SPTB: variants seen among roughly 807,000 people sequenced by gnomAD.
SPTB encodes the protein spectrin beta, erythrocytic.
A neutral mutation model predicts 256.2 loss-of-function variants in SPTB; 45 were observed. That is an observed-to-expected ratio of 0.18 (90% CI 0.14 to 0.23). SPTB has a LOEUF of 0.23. Ranked by LOEUF, SPTB falls within the 10% of genes least tolerant of loss-of-function variation. SPTB has a pLI of 1.00. For synonymous variants in SPTB, 1,231 were observed against 1,243.1 expected, an observed-to-expected ratio of 0.99 and a Z score of 0.21; for missense variants, 2,715 against 3,040.4, an observed-to-expected ratio of 0.89 and a Z score of 2.52.
rs1360830438 is a variant in SPTB, at chr14:64,750,151, G to A, written c.6606C>T (p.Ser2202=). Residue 2202 remains serine (S), a synonymous_variant, in exon 34 of 36, where the codon TCC becomes TCT. Transcript: ENST00000644917. ...TGAGCACACAGTACAGGTTGTTCCA[G>A]GACCTGCAAAGATGCAGACAGGCAG... The part of the protein sequence containing the change: ...EGPNKKASNR[S]WNNLYCVLRN... 1 of 1,610,674 alleles carries A rather than the reference G, an allele frequency of 6.2e-7. No homozygotes were observed. The highest frequency in any genetic ancestry group is 2.2e-5 in the East Asian group (1 of 44,772).
At chr14:64,801,993 C>T (rs2082895846) in intron 5 of SPTB, among the ~76,000 whole-genome samples, 159 bp from the exon 6 acceptor site, 1 of 152,166 alleles carries the variant, frequency 6.6e-6, no homozygotes, top group Non-Finnish European at 1.5e-5. Flanking sequence ...ACAGAGGCTC[C>T]CCCATCAGAT....
intron 22 of SPTB, among the ~76,000 whole-genome samples, chr14:64,776,434 T>C (rs574477664): frequency 2.0e-5 from 3 of 152,282 alleles, no homozygotes; most frequent in African/African-American, 7.2e-5. Context: ...CTCTGCATGG[T>C]GCCCTAAAAA....
rs941745505 is a variant in SPTB at position 64,746,979 on chromosome 14, A to C, written c.*2327T>G. 1.3e-5 allele frequency: 2 copies of C among 152,286 alleles called. No individual in the cohort carries two copies. Among genetic ancestry groups the C allele is most frequent in the African/African-American group, 4.8e-5 (2 of 41,300 alleles). 9.4% of individuals were successfully genotyped at this position (152,286 alleles called of 1,614,324 possible). ...GGGTCTCCCAAAGCTGGATGCCTGC[A>C]TTTTCAGTCTAGTTGGTCGAATGTC... On this transcript the variant is annotated 3_prime_UTR_variant, in exon 36 of 36. Transcript: ENST00000644917. The surrounding 1 kb of genome is among the most constrained non-coding windows in gnomAD (Gnocchi z 4.9).
Position 64,779,869 on chromosome 14 carries a change from A to G in SPTB, c.4329T>C (p.Pro1443=), listed in dbSNP as rs1231241203. 1.2e-6 allele frequency: 2 copies of G among 1,613,926 alleles called. No individual in the cohort carries two copies. Among genetic ancestry groups the G allele is most frequent in the Non-Finnish European group, 1.7e-6 (2 of 1,179,988 alleles). ...EELGELFAQV[P]SMGEEGGDAD... is the part of the protein sequence containing the mutation. ...CATCTCCTCCCTCCTCTCCCATTGAAGGCACCTGGGCAAACAGCTCCCCCA... is the reference window on the plus strand; with the variant it reads ...CATCTCCTCCCTCCTCTCCCATTGAGGGCACCTGGGCAAACAGCTCCCCCA... Residue 1443 remains proline (P), a synonymous_variant, in exon 21 of 36, where the codon CCT becomes CCC. Coordinates refer to ENST00000644917, the MANE Select transcript of SPTB (RefSeq NM_001355436.2). This position sits in a 1 kb window ranked among gnomAD's most constrained non-coding sequence, Gnocchi z 4.2.
chr14:64,782,406 G>A lies in SPTB; in HGVS notation c.4150C>T (p.Arg1384Cys), dbSNP rs778901641. The change falls in exon 20 of 36, where the codon CGC becomes TGC. Residue 1384 changes from arginine to cysteine, a missense_variant. Coordinates refer to ENST00000644917, the MANE Select transcript of SPTB (RefSeq NM_001355436.2). ...HLSAARSSDL[R>C]LQTHADLNKW... ...TTGAGGTCAGCATGGGTCTGCAAGC[G>A]CAGGTCGGAGCTCCTGGCAGCCGAG... The A allele has an allele frequency of 2.8e-5, 45 of 1,614,032 alleles. No homozygotes were observed. Among genetic ancestry groups the A allele is most frequent in the Admixed American group, 1.3e-4 (8 of 60,004 alleles).
chr14:64,794,252 G>C (rs1009327888), intron 13 of SPTB, among the ~76,000 whole-genome samples: 4 of 152,238 alleles, frequency 2.6e-5, no homozygotes, highest in African/African-American at 9.6e-5. Context: ...ATGAAGGACA[G>C]AGGGTGCCTC....
At position 64,795,261 on chromosome 14, in the gene SPTB, C is replaced by A; in HGVS notation, c.1644+76G>T. ...ACTGGCTGGGAGGTGTCTAAGGAAG[C>A]CTATGCTAACTGCAGGGCCACTGAG... On this transcript the variant is annotated intron_variant, in intron 12 of 35. Transcript: ENST00000644917. This position sits in a 1 kb window ranked among gnomAD's most constrained non-coding sequence, Gnocchi z 6.5. The A allele has an allele frequency of 6.5e-7, 1 of 1,544,244 alleles. No homozygotes were observed. Among genetic ancestry groups the A allele is most frequent in the East Asian group, 2.3e-5 (1 of 44,412 alleles).
At chr14:64,862,882 A>AAC (rs397719098) in intron 1 of SPTB, among the ~76,000 whole-genome samples, 5 of 149,832 alleles carry the variant, frequency 3.3e-5, no homozygotes, top group African/African-American at 4.9e-5. Context: ...ACAAAAAAAA[A>AAC]CCACACCCCA....
chr14:64,767,527 T>C, intron 30 of SPTB, 136 bp downstream of exon 30: 2 of 1,388,400 alleles, frequency 1.4e-6, no homozygotes, highest in Non-Finnish European at 2.0e-6. Context: ...CACTTGTCTT[T>C]CCTTCCCATT....
At position 64,786,631 on chromosome 14, in the gene SPTB, C is replaced by T. The variant is rs150796721; in HGVS notation, c.3334G>A (p.Gly1112Arg). The change falls in exon 16 of 36, where the codon GGG becomes AGG. Residue 1112 changes from glycine (G) to arginine (R), a missense_variant. By Grantham distance (125) the Gly-to-Arg change is moderately radical. Transcript: ENST00000644917. This position sits in a 1 kb window ranked among gnomAD's most constrained non-coding sequence, Gnocchi z 5.6. Reference sequence around the variant, plus strand: ...ACACGCTGGTAGCTGTCTTGGTGCCCGTCAATCTCATCCTTGATACCTGCA... The same window carrying T: ...ACACGCTGGTAGCTGTCTTGGTGCCTGTCAATCTCATCCTTGATACCTGCA... ...QHAGIKDEID[G>R]HQDSYQRVKE... 327 of 1,614,172 alleles carry T rather than the reference C, an allele frequency of 2.0e-4. 1 individual carries two copies. In the African/African-American group the frequency reaches 3.1e-3, roughly 15 times the overall value.
intron 2 of SPTB, among the ~76,000 whole-genome samples, chr14:64,820,500 T>G (rs2083267994): frequency 6.6e-6 from 1 of 152,230 alleles, no homozygotes; most frequent in African/African-American, 2.4e-5. Flanking sequence ...CATATTTACT[T>G]GTTGGCCAGA....
intron 2 of SPTB, among the ~76,000 whole-genome samples, chr14:64,808,838 G>T (rs2083035309): frequency 6.6e-6 from 1 of 152,122 alleles, no homozygotes; most frequent in Admixed American, 6.6e-5. Context: ...AATGCTCGAG[G>T]GTTCCAGGAA....
intron 32 of SPTB, among the ~76,000 whole-genome samples, chr14:64,761,188 A>G (rs1426867028): frequency 6.6e-6 from 1 of 152,168 alleles, no homozygotes; most frequent in Non-Finnish European, 1.5e-5. Context: ...CCGGTGTCTG[A>G]TATCTCAGCT....
intron 33 of SPTB, chr14:64,752,316 C>T (rs1268806779): frequency 8.1e-7 from 1 of 1,240,138 alleles, no homozygotes; most frequent in South Asian, 1.2e-5. Flanking sequence ...TTCTCCCTTA[C>T]TTTTGAGGGC....
At chr14:64,780,996 T>C (rs1309985909) in intron 20 of SPTB, among the ~76,000 whole-genome samples, 1 of 152,176 alleles carries the variant, frequency 6.6e-6, no homozygotes, top group African/African-American at 2.4e-5. Context: ...ATTCAATAAA[T>C]GGTGCTGGGA....
In SPTB at chr14:64,779,761, G is replaced by A; in HGVS notation, c.4437C>T (p.Ala1479=). The stretch of plus-strand genomic sequence containing the variant: ...CTAAGTCCCGGCTGATCTGCAGCTT[G>A]GCTCTGGATGATTCCAGCTGCTTCT... The part of the protein sequence containing the change: ...RRKKQLESSR[A]KLQISRDLED... The change falls in exon 21 of 36, where the codon GCC becomes GCT. Residue 1479 remains alanine, a synonymous_variant. Transcript: ENST00000644917. The surrounding 1 kb of genome is among the most constrained non-coding windows in gnomAD (Gnocchi z 4.2). The A allele has an allele frequency of 6.2e-7, 1 of 1,614,136 alleles. No individual in the cohort carries two copies. The highest frequency in any genetic ancestry group is 8.5e-7 in the Non-Finnish European group (1 of 1,180,026).
At chr14:64,875,384 G>A (rs759951007) in intron 1 of SPTB, among the ~76,000 whole-genome samples, 27 of 152,212 alleles carry the variant, frequency 1.8e-4, no homozygotes, top group Admixed American at 7.8e-4. Flanking sequence ...AGAAATACAC[G>A]CAGCAACAGA....
At chr14:64,865,329 T>C (rs1009275280) in intron 1 of SPTB, among the ~76,000 whole-genome samples, 3 of 151,576 alleles carry the variant, frequency 2.0e-5, no homozygotes, top group Non-Finnish European at 4.4e-5. Context: ...ACACAGCTTA[T>C]GCAAAACAAG....
In SPTB at chr14:64,816,358, T is replaced by C. The variant is rs1171444187; in HGVS notation, c.148+6589A>G. On this transcript the variant is annotated intron_variant, in intron 2 of 35. Coordinates refer to ENST00000644917, the MANE Select transcript of SPTB (RefSeq NM_001355436.2). The surrounding 1 kb of genome is among the most constrained non-coding windows in gnomAD (Gnocchi z 4.2). ...AAACTCCACAGCCACCCCTTTTGAG[T>C]TTTTCTCTGCTTCCTGCCCAGGACC... Among the ~76,000 whole-genome samples the C allele has an allele frequency of 2.0e-5, 3 of 151,818 alleles. No homozygotes were observed. The highest frequency in any genetic ancestry group is 7.3e-5 in the African/African-American group (3 of 41,274).
Sources: gnomAD v4.1 joint callset for allele counts (sites outside exome capture counted in the v4.1 genomes callset) on GRCh38, gnomAD v4.1.1 for gene constraint, Gnocchi (gnomAD v3.1) non-coding constraint, MANE v1.5 for transcripts, NCBI Gene and HGNC (gene_info 2026-07-23, HGNC 2026-07-21) for gene names.